EIF4E: variants seen among roughly 807,000 people sequenced by gnomAD.
The protein encoded by EIF4E is eukaryotic translation initiation factor 4E, also known as eIF-4F 25 kDa subunit.
For synonymous variants in EIF4E, 71 were observed against 88.5 expected (o/e 0.80, Z 1.11); for missense variants, 113 against 265.6 (o/e 0.43, Z 3.99).
At chr4:98,892,145 G>A (rs1287903791) in intron 2 of EIF4E, among the ~76,000 whole-genome samples, 2 of 151,488 alleles carry the variant, frequency 1.3e-5, no homozygotes, top group Non-Finnish European at 2.9e-5. Context: ...TTGGGAATTC[G>A]AGACCAGCCT....
chr4:98,890,307 C>A (rs1435202453), intron 3 of EIF4E, among the ~76,000 whole-genome samples: 1 of 151,924 alleles, frequency 6.6e-6, no homozygotes. Context: ...TGTATATGAT[C>A]CTAAAAAAAG....
At chr4:98,928,840 G>A in intron 1 of EIF4E, 2 of 1,532,716 alleles carry the variant, frequency 1.3e-6, no homozygotes, top group Non-Finnish European at 1.8e-6. Flanking sequence ...CGGTTCCGCA[G>A]GAGGCGCCAC....
chr4:98,905,581 G>T (rs1162095172), intron 1 of EIF4E, among the ~76,000 whole-genome samples: 1 of 152,078 alleles, frequency 6.6e-6, no homozygotes, highest in East Asian at 1.9e-4. Context: ...TTTCATCTTG[G>T]GGGCAATGAA....
At chr4:98,910,243 T>C (rs187677316) in intron 1 of EIF4E, among the ~76,000 whole-genome samples, 3 of 151,392 alleles carry the variant, frequency 2.0e-5, no homozygotes, top group African/African-American at 2.4e-5. Flanking sequence ...ACCGAGAAAG[T>C]TGAAATAAAA....
At chr4:98,910,076 C>A in intron 1 of EIF4E, 1 of 256,472 alleles carries the variant, frequency 3.9e-6, no homozygotes, top group Non-Finnish European at 7.3e-6. Flanking sequence ...CTGCCTCAGG[C>A]TATTAAACTG....
intron 3 of EIF4E, among the ~76,000 whole-genome samples, chr4:98,889,583 A>G (rs1360469515): frequency 6.6e-6 from 1 of 152,208 alleles, no homozygotes; most frequent in East Asian, 1.9e-4. Context: ...AATTTGCTAG[A>G]AAAAAACAGA....
intron 1 of EIF4E, among the ~76,000 whole-genome samples, chr4:98,924,379 T>C (rs1725785265): frequency 6.6e-6 from 1 of 151,906 alleles, no homozygotes; most frequent in Admixed American, 6.6e-5. Context: ...ACCCGGCCCA[T>C]ATTCTTAACT....
chr4:98,927,556 T>G (rs1725929841), intron 1 of EIF4E, among the ~76,000 whole-genome samples: 1 of 141,742 alleles, frequency 7.1e-6, no homozygotes, highest in African/African-American at 2.7e-5. Context: ...CTCAAGAGGC[T>G]GAAGCAGGAG....
At chr4:98,898,032 A>G (rs1358888008) in intron 2 of EIF4E, among the ~76,000 whole-genome samples, 1 of 152,176 alleles carries the variant, frequency 6.6e-6, no homozygotes, top group Non-Finnish European at 1.5e-5. Flanking sequence ...GTAGAAAAAA[A>G]TTCTTGGATA....
chr4:98,896,020 ACC>A (rs55969706), intron 2 of EIF4E, among the ~76,000 whole-genome samples: 29,252 of 151,582 alleles, frequency 0.19, 3,644 homozygotes, highest in Non-Finnish European at 0.28. Flanking sequence ...ACACGGTGAA[ACC>A]CCGTCTCTAC....
chr4:98,928,976 G>A (rs752757331), intron 1 of EIF4E, 119 bp downstream of exon 1: 35 of 1,575,012 alleles, frequency 2.2e-5, no homozygotes, highest in Non-Finnish European at 2.8e-5. Context: ...CCAACATGAA[G>A]GGGAAGGGGC....
At position 98,902,132 on chromosome 4, in the gene EIF4E, G is replaced by C. The variant is rs920752774; in HGVS notation, c.19-150C>G. On this transcript the variant is annotated intron_variant, in intron 1 of 6. Coordinates refer to ENST00000450253, the MANE Select transcript of EIF4E (RefSeq NM_001968.5). ...TGCCCAGGCTGGAGTGCAGTCGTGC[G>C]ATCTTGGCTCACTGCAACCTCCTCC... 2.0e-4 allele frequency: 125 copies of C among 638,978 alleles called. No homozygotes were observed. The Middle Eastern group carries it at 3.1e-3, about 16-fold the overall frequency. The allele number at this position is 638,978 out of a possible 1,614,324, so 39.6% of individuals were successfully genotyped here.
At chr4:98,884,428 C>T (rs1302332156) in intron 6 of EIF4E, among the ~76,000 whole-genome samples, 2 of 152,046 alleles carry the variant, frequency 1.3e-5, no homozygotes, top group Non-Finnish European at 2.9e-5. Flanking sequence ...AAAGGCCAGG[C>T]GCAGTGGCTC....
intron 6 of EIF4E, among the ~76,000 whole-genome samples, chr4:98,883,111 C>A (rs1236100469): frequency 6.6e-6 from 1 of 151,964 alleles, no homozygotes; most frequent in African/African-American, 2.4e-5. Context: ...CATGGCGAAA[C>A]CCTGTCTCTA....
At chr4:98,923,510 G>A (rs1314811659) in intron 1 of EIF4E, among the ~76,000 whole-genome samples, 2 of 151,680 alleles carry the variant, frequency 1.3e-5, no homozygotes, top group Non-Finnish European at 2.9e-5. Flanking sequence ...ACAGGGTCTC[G>A]CCATGTTGGC....
intron 1 of EIF4E, among the ~76,000 whole-genome samples, chr4:98,927,104 G>A (rs1317011566): frequency 6.6e-6 from 1 of 152,120 alleles, no homozygotes; most frequent in Non-Finnish European, 1.5e-5. Context: ...GGTTTAAAAT[G>A]TATATTTTAC....
intron 2 of EIF4E, among the ~76,000 whole-genome samples, chr4:98,891,723 G>A (rs1477532324): frequency 4.6e-5 from 7 of 152,178 alleles, no homozygotes; most frequent in Admixed American, 1.3e-4. Flanking sequence ...CTGGAGATTA[G>A]TTGCACAATA....
In EIF4E at chr4:98,884,918, T is replaced by A; in HGVS notation, c.539+4A>T. ...AAAATAAGTAGGCAAAGAGCAAAAC[T>A]TACCCTATATGTGTAACAGCTTCTC... On this transcript the variant is annotated splice_donor_region_variant and intron_variant, in intron 6 of 6. Coordinates refer to ENST00000450253, the MANE Select transcript of EIF4E (RefSeq NM_001968.5). The A allele has an allele frequency of 1.9e-6, 3 of 1,612,270 alleles. No homozygotes were observed. The highest frequency in any genetic ancestry group is 2.5e-6 in the Non-Finnish European group (3 of 1,179,750).
intron 2 of EIF4E, among the ~76,000 whole-genome samples, chr4:98,896,575 G>A (rs1359357977): frequency 2.7e-5 from 4 of 146,490 alleles, no homozygotes; most frequent in Admixed American, 6.9e-5. Flanking sequence ...GATGTGGGAA[G>A]GTCATTTGAG....
Sources: gnomAD v4.1 joint callset for allele counts (sites outside exome capture counted in the v4.1 genomes callset) on GRCh38, gnomAD v4.1.1 for gene constraint, MANE v1.5 for transcripts, NCBI Gene and HGNC (gene_info 2026-07-23, HGNC 2026-07-21) for gene names.